Variants in RALGPS2 observed in about 807,000 individuals in gnomAD.
The protein encoded by RALGPS2 is Ral GEF with PH domain and SH3 binding motif 2.
A neutral mutation model predicts 86.8 loss-of-function variants in RALGPS2; 43 were observed. That is an observed-to-expected ratio of 0.50 (90% CI 0.39 to 0.64). The LOEUF (loss-of-function observed/expected upper bound fraction) is 0.64. Ranked by LOEUF, RALGPS2 falls within the 30% of genes least tolerant of loss-of-function variation. The pLI is 0.00. For missense variants in RALGPS2, 536 were observed against 694.6 expected (o/e 0.77, Z 2.57); for synonymous variants, 243 against 231.3 (o/e 1.05, Z -0.46).
chr1:178,788,708 A>T (rs1013883215), intron 4 of RALGPS2, among the ~76,000 whole-genome samples: 1 of 152,198 alleles, frequency 6.6e-6, no homozygotes, highest in Non-Finnish European at 1.5e-5. Flanking sequence ...CATTGTGAAA[A>T]AGATGGGAAG....
At chr1:178,871,699 T>C (rs1409040093) in intron 8 of RALGPS2, among the ~76,000 whole-genome samples, 1 of 152,214 alleles carries the variant, frequency 6.6e-6, no homozygotes, top group East Asian at 1.9e-4. Flanking sequence ...TGTTACATAA[T>C]GTCATATCCT....
chr1:178,746,556 A>C lies in RALGPS2; in HGVS notation c.-84+21137A>C, dbSNP rs567632215. ...TGGATGTCAAGTTTACTTTGTAAAC[A>C]AACAACTGTGAGGCAATCTAGAGGG... On this transcript the variant is annotated intron_variant, in intron 1 of 19. Coordinates refer to ENST00000367635, the MANE Select transcript of RALGPS2 (RefSeq NM_152663.5). 150 of 627,630 alleles carry C rather than the reference A, an allele frequency of 2.4e-4. No individual in the cohort carries two copies. The South Asian group carries it at 2.4e-3, about 10-fold the overall frequency. The allele number at this position is 627,630 out of a possible 1,614,324, so 38.9% of individuals were successfully genotyped here. A position where few individuals can be genotyped will look rare whatever the true frequency, so the allele number is the denominator to read the frequency against.
intron 14 of RALGPS2, 57 bp from the exon 15 acceptor site, chr1:178,892,167 TTGATAA>T (rs1659740073): frequency 7.2e-7 from 1 of 1,392,606 alleles, no homozygotes; most frequent in Non-Finnish European, 1.0e-6. Flanking sequence ...GTTCTAGGTA[TTGATAA>T]TGACTGTGTG....
intron 8 of RALGPS2, among the ~76,000 whole-genome samples, chr1:178,839,445 T>C (rs1656464690): frequency 6.6e-6 from 1 of 152,060 alleles, no homozygotes; most frequent in Non-Finnish European, 1.5e-5. Flanking sequence ...TAAAATCCTT[T>C]ACAGACAAGC....
chr1:178,905,402 A>G (rs1244574634), intron 18 of RALGPS2, among the ~76,000 whole-genome samples: 1 of 152,184 alleles, frequency 6.6e-6, no homozygotes, highest in African/African-American at 2.4e-5. Flanking sequence ...AGGGGTGAGT[A>G]TGTAAATTGT....
At position 178,920,253 on chromosome 1, in the gene RALGPS2, T is replaced by A. The variant is rs1647243602; in HGVS notation, c.*3894T>A. 1 of 152,000 alleles carries A rather than the reference T, an allele frequency of 6.6e-6. No homozygotes were observed. The highest frequency in any genetic ancestry group is 1.5e-5 in the Non-Finnish European group (1 of 67,882). The allele number at this position is 152,000 out of a possible 1,614,324, so 9.4% of individuals were successfully genotyped here. On this transcript the variant is annotated 3_prime_UTR_variant, in exon 20 of 20. Transcript: ENST00000367635. ...AAATGGCTTGTGTCTAAAGTGACAT[T>A]TTTTTCCCTATTTGGAGGGTTCTAA... is the stretch of plus-strand genomic sequence containing the variant.
intron 19 of RALGPS2, among the ~76,000 whole-genome samples, chr1:178,909,939 G>A (rs949279673): frequency 3.3e-5 from 5 of 152,054 alleles, no homozygotes. Flanking sequence ...GTGAGCCACT[G>A]TGCCCGGCTT....
intron 1 of RALGPS2, among the ~76,000 whole-genome samples, chr1:178,729,657 T>C (rs1428585684): frequency 6.6e-6 from 1 of 152,224 alleles, no homozygotes; most frequent in East Asian, 1.9e-4. Context: ...AAATGTTCAT[T>C]GGAGCAGTTT....
intron 6 of RALGPS2, among the ~76,000 whole-genome samples, chr1:178,816,358 T>C (rs1655229194): frequency 6.6e-6 from 1 of 152,192 alleles, no homozygotes; most frequent in Admixed American, 6.5e-5. Flanking sequence ...TTTTCATATG[T>C]ATGTGGACCA....
intron 8 of RALGPS2, among the ~76,000 whole-genome samples, chr1:178,866,362 T>G (rs1180236773): frequency 1.3e-5 from 2 of 152,150 alleles, no homozygotes; most frequent in African/African-American, 4.8e-5. Flanking sequence ...AGTTAAAGAT[T>G]TTAGGGAAAT....
intron 14 of RALGPS2, among the ~76,000 whole-genome samples, chr1:178,891,825 A>G (rs1659723375): frequency 6.6e-6 from 1 of 152,088 alleles, no homozygotes; most frequent in African/African-American, 2.4e-5. Context: ...ATATAATAAA[A>G]ATGAATTACT....
Position 178,914,091 on chromosome 1 carries a change from T to C in RALGPS2, c.1723-2239T>C, listed in dbSNP as rs540413065. 7.2e-5 allele frequency among the ~76,000 whole-genome samples: 11 copies of C among 152,222 alleles called. No individual in the cohort carries two copies. The South Asian group carries it at 2.3e-3, about 32-fold the overall frequency. Reference sequence around the variant, plus strand: ...GACCTTGGAAGGGGCCAGTAGACAGTGGGACATGCAGCTCAGACTCACCCC... The same window carrying C: ...GACCTTGGAAGGGGCCAGTAGACAGCGGGACATGCAGCTCAGACTCACCCC... On this transcript the variant is annotated intron_variant, in intron 19 of 19. Coordinates refer to ENST00000367635, the MANE Select transcript of RALGPS2 (RefSeq NM_152663.5).
intron 8 of RALGPS2, among the ~76,000 whole-genome samples, chr1:178,875,044 T>C (rs1189992670): frequency 6.6e-6 from 1 of 152,202 alleles, no homozygotes; most frequent in Non-Finnish European, 1.5e-5. Flanking sequence ...AACACACATA[T>C]ATGCAATCAG....
At chr1:178,792,373 CCTT>C (rs1653995390) in intron 4 of RALGPS2, among the ~76,000 whole-genome samples, 1 of 152,160 alleles carries the variant, frequency 6.6e-6, no homozygotes, top group Non-Finnish European at 1.5e-5. Flanking sequence ...CTTTCTCTGT[CCTT>C]CTTCTGTTCT....
intron 4 of RALGPS2, among the ~76,000 whole-genome samples, chr1:178,788,841 C>CTTTCTTTTCTTTTCTTTTCTTTTCT (rs199644509): frequency 2.3e-4 from 30 of 132,498 alleles, no homozygotes; most frequent in African/African-American, 7.9e-4. Context: ...TTCTTTCTTT[C>CTTTCTTTTCTTTTCTTTTCTTTTCT]TTTCTTTTCT....
intron 17 of RALGPS2, among the ~76,000 whole-genome samples, chr1:178,898,988 A>G (rs923151694): frequency 1.3e-5 from 2 of 151,972 alleles, no homozygotes; most frequent in African/African-American, 2.4e-5. Context: ...TTAGCTTCAT[A>G]TGGAAAGTAA....
At chr1:178,741,591 C>G (rs940584214) in intron 1 of RALGPS2, among the ~76,000 whole-genome samples, 1 of 152,100 alleles carries the variant, frequency 6.6e-6, no homozygotes, top group Non-Finnish European at 1.5e-5. Context: ...AGTGGTATAT[C>G]ACCTGAAGGA....
rs1334917985 is a variant in RALGPS2 at position 178,916,457 on chromosome 1, G to T, written c.*98G>T. ...TATAAACCATCCTGTGCCAGGAAGAGCCCAGAGGCTCTGTCTCAGTCGTTG... is the reference window on the plus strand; with the variant it reads ...TATAAACCATCCTGTGCCAGGAAGATCCCAGAGGCTCTGTCTCAGTCGTTG... On this transcript the variant is annotated 3_prime_UTR_variant, in exon 20 of 20. Coordinates refer to ENST00000367635, the MANE Select transcript of RALGPS2 (RefSeq NM_152663.5). 13 of 1,162,686 alleles carry T rather than the reference G, an allele frequency of 1.1e-5. No individual in the cohort carries two copies. The East Asian group carries it at 3.0e-4, about 26-fold the overall frequency. The allele number at this position is 1,162,686 out of a possible 1,614,324, so 72.0% of individuals were successfully genotyped here.
chr1:178,859,827 C>CT (rs1388366176), intron 8 of RALGPS2, among the ~76,000 whole-genome samples: 3 of 89,254 alleles, frequency 3.4e-5, no homozygotes, highest in African/African-American at 1.2e-4. Context: ...CCCGCCCCCC[C>CT]CCCCCCAACC....
Sources: gnomAD v4.1 joint callset for allele counts (sites outside exome capture counted in the v4.1 genomes callset) on GRCh38, gnomAD v4.1.1 for gene constraint, MANE v1.5 for transcripts, NCBI Gene and HGNC (gene_info 2026-07-23, HGNC 2026-07-21) for gene names.